MUSK: variants seen among roughly 807,000 people sequenced by gnomAD.
MUSK encodes the protein muscle, skeletal receptor tyrosine-protein kinase.
A neutral mutation model predicts 88.7 loss-of-function variants in MUSK; 55 were observed. The observed-to-expected ratio is 0.62, with a 90% CI of 0.50 to 0.78. The LOEUF (loss-of-function observed/expected upper bound fraction) is 0.78, where lower values mean the gene tolerates loss of function less well. MUSK is among the 30% of genes least tolerant of loss of function. MUSK has a pLI of 0.00. For synonymous variants in MUSK, 387 were observed against 391.9 expected, an observed-to-expected ratio of 0.99 and a Z score of 0.15; for missense variants, 1,015 against 1,074.3, an observed-to-expected ratio of 0.94 and a Z score of 0.77.
intron 4 of MUSK, among the ~76,000 whole-genome samples, chr9:110,697,084 C>T (rs1007525664): frequency 6.7e-6 from 1 of 148,484 alleles, no homozygotes; most frequent in Admixed American, 6.8e-5. Context: ...TATACACACA[C>T]TCATGGGATG....
intron 5 of MUSK, among the ~76,000 whole-genome samples, chr9:110,709,959 A>T (rs2076647268): frequency 6.7e-6 from 1 of 148,702 alleles, no homozygotes; most frequent in Non-Finnish European, 1.5e-5. Flanking sequence ...AGCCTGGGAA[A>T]CATAGTGAGA....
At chr9:110,688,355 T>C (rs1244314615) in intron 3 of MUSK, among the ~76,000 whole-genome samples, 1 of 151,246 alleles carries the variant, frequency 6.6e-6, no homozygotes, top group African/African-American at 2.4e-5. Flanking sequence ...GATGTTTGTC[T>C]TTTTTTTTCA....
intron 5 of MUSK, among the ~76,000 whole-genome samples, chr9:110,698,818 T>A (rs1290127511): frequency 1.3e-5 from 2 of 152,140 alleles, no homozygotes; most frequent in Non-Finnish European, 2.9e-5. Flanking sequence ...AACAACCAGT[T>A]GATATGATTT....
rs375622418 is a variant in MUSK at position 110,747,718 on chromosome 9, A to T, written c.831A>T (p.Pro277=). 6 of 1,613,780 alleles carry T rather than the reference A, an allele frequency of 3.7e-6. No individual in the cohort carries two copies. The highest frequency in any genetic ancestry group is 5.1e-6 in the Non-Finnish European group (6 of 1,179,808). ...GACTGCAGCTGTTTATCACCAAGCC[A>T]GGACTCTACACATGCATAGCTACCA... ...DSRLQLFITK[P]GLYTCIATNK... is the part of the protein sequence containing the mutation. The change falls in exon 7 of 15, where the codon CCA becomes CCT. Residue 277 remains proline, a synonymous_variant. Transcript: ENST00000374448.
At chr9:110,676,349 T>TAATATATAA (rs1194908438) in intron 1 of MUSK, among the ~76,000 whole-genome samples, 2 of 139,186 alleles carry the variant, frequency 1.4e-5, no homozygotes, top group Admixed American at 7.1e-5. Flanking sequence ...CACACATATA[T>TAATATATAA]TATATATTAT....
At chr9:110,736,922 C>T (rs1227675004) in intron 6 of MUSK, among the ~76,000 whole-genome samples, 1 of 151,954 alleles carries the variant, frequency 6.6e-6, no homozygotes, top group Non-Finnish European at 1.5e-5. Context: ...GACTATTTAA[C>T]TTGTAGTTCA....
intron 6 of MUSK, among the ~76,000 whole-genome samples, chr9:110,735,274 A>G (rs1306392726): frequency 6.6e-6 from 1 of 152,172 alleles, no homozygotes; most frequent in Non-Finnish European, 1.5e-5. Flanking sequence ...TTATTGCGGC[A>G]CTATTCACAA....
chr9:110,721,983 A>C (rs1008839290), intron 5 of MUSK, among the ~76,000 whole-genome samples: 1 of 152,136 alleles, frequency 6.6e-6, no homozygotes, highest in Non-Finnish European at 1.5e-5. Flanking sequence ...CAAAAGTATA[A>C]AGTGGGGAAA....
chr9:110,759,531 C>G (rs1294722679), intron 7 of MUSK, among the ~76,000 whole-genome samples: 1 of 152,106 alleles, frequency 6.6e-6, no homozygotes, highest in Non-Finnish European at 1.5e-5. Flanking sequence ...ACAGAGTAAA[C>G]AGGCAACTTA....
rs145738282 is a variant in MUSK at position 110,723,734 on chromosome 9, GT to G, written c.629-10514del. Among the ~76,000 whole-genome samples the G allele has an allele frequency of 9.8e-3, 1,497 of 152,104 alleles. 27 individuals carry two copies. Among genetic ancestry groups the G allele is most frequent in the African/African-American group, 0.034 (1,397 of 41,532 alleles). Reference sequence around the variant, plus strand: ...TAAATTGTGTGTCTGGCATTTAATTGTTTGTTTGTTTGCTTGCTTAAACTTC... The same window carrying G: ...TAAATTGTGTGTCTGGCATTTAATTGTTGTTTGTTTGCTTGCTTAAACTTC... On this transcript the variant is annotated intron_variant, in intron 5 of 14. Transcript: ENST00000374448.
intron 3 of MUSK, among the ~76,000 whole-genome samples, chr9:110,687,924 T>C (rs1432909672): frequency 6.6e-6 from 1 of 152,148 alleles, no homozygotes; most frequent in Non-Finnish European, 1.5e-5. Context: ...ACACTTTTTA[T>C]TTCTAACCTC....
intron 11 of MUSK, 89 bp from the exon 12 acceptor site, chr9:110,784,726 C>T (rs982533270): frequency 3.0e-6 from 3 of 990,014 alleles, no homozygotes; most frequent in East Asian, 2.5e-5. Flanking sequence ...ATATTATTAT[C>T]ATGAAATTTA....
chr9:110,791,393 C>CT (rs1327657750), intron 14 of MUSK, among the ~76,000 whole-genome samples: 2 of 89,092 alleles, frequency 2.2e-5, no homozygotes, highest in Admixed American at 1.2e-4. Flanking sequence ...GAATATTGCG[C>CT]TTTTCAGACC....
chr9:110,762,721 T>C (rs961584629), intron 8 of MUSK, among the ~76,000 whole-genome samples: 1 of 152,192 alleles, frequency 6.6e-6, no homozygotes, highest in African/African-American at 2.4e-5. Context: ...TCCCTTGCAA[T>C]ATAACCTTTT....
At chr9:110,765,825 C>T (rs968431668) in intron 8 of MUSK, among the ~76,000 whole-genome samples, 1 of 152,148 alleles carries the variant, frequency 6.6e-6, no homozygotes, top group Admixed American at 6.5e-5. Context: ...CCACCCATCT[C>T]GGCCTCCCAA....
rs527706719 is a variant in MUSK, at chr9:110,734,896, G to A, written c.753+521G>A. On this transcript the variant is annotated intron_variant, in intron 6 of 14. Transcript: ENST00000374448. ...TTCTACAAATATGTATTGAGCTTCT[G>A]AACATCAAACACTATTCTAGGCCCT... 6.3e-4 allele frequency among the ~76,000 whole-genome samples: 96 copies of A among 152,060 alleles called. 1 individual carries two copies. The South Asian group carries it at 9.5e-3, about 15-fold the overall frequency.
At chr9:110,756,734 T>G (rs1392361912) in intron 7 of MUSK, among the ~76,000 whole-genome samples, 1 of 152,166 alleles carries the variant, frequency 6.6e-6, no homozygotes, top group Non-Finnish European at 1.5e-5. Flanking sequence ...CATCTTTACT[T>G]GAAGGCTGAG....
chr9:110,767,577 C>T (rs934576814), intron 8 of MUSK, among the ~76,000 whole-genome samples: 50 of 152,184 alleles, frequency 3.3e-4, no homozygotes, highest in African/African-American at 1.1e-3. Context: ...CTTCATAGTT[C>T]CCAAAGCTTT....
At chr9:110,772,699 G>A (rs1231388265) in intron 9 of MUSK, among the ~76,000 whole-genome samples, 2 of 151,922 alleles carry the variant, frequency 1.3e-5, no homozygotes, top group African/African-American at 2.4e-5. Flanking sequence ...ATAGTGATGC[G>A]TCAAAATTTT....
Sources: allele counts gnomAD v4.1 joint callset (sites outside exome capture counted in the v4.1 genomes callset), GRCh38; gene constraint gnomAD v4.1.1; transcripts MANE v1.5; gene names NCBI Gene and HGNC (gene_info 2026-07-23, HGNC 2026-07-21).